The following ZNF423 variants were observed in gnomAD, a reference collection of about 807,000 sequenced individuals.
ZNF423 encodes the protein zinc finger protein 423, also known as Ebf-associated zinc finger protein.
Under a neutral mutation model 95.8 loss-of-function variants are expected in ZNF423, and 12 were observed. That is an observed-to-expected ratio of 0.13 (90% CI 0.08 to 0.20). The LOEUF (loss-of-function observed/expected upper bound fraction) is 0.20. Ranked by LOEUF, ZNF423 falls within the 10% of genes least tolerant of loss-of-function variation. ZNF423 has a pLI of 1.00. For missense variants in ZNF423, 1,316 were observed against 1,737.1 expected (o/e 0.76, Z 4.31); for synonymous variants, 749 against 711.9 (o/e 1.05, Z -0.83).
intron 1 of ZNF423, among the ~76,000 whole-genome samples, chr16:49,844,512 G>A (rs908093495): frequency 2.6e-5 from 4 of 152,158 alleles, no homozygotes; most frequent in African/African-American, 9.7e-5. Flanking sequence ...AGAGGCTGGG[G>A]CAGCGGGAGG....
Position 49,523,666 on chromosome 16 carries a change from G to A in ZNF423, c.3807C>T (p.Cys1269=). The A allele has an allele frequency of 1.2e-6, 2 of 1,614,224 alleles. No individual in the cohort carries two copies. Among genetic ancestry groups the A allele is most frequent in the Non-Finnish European group, 1.7e-6 (2 of 1,180,048 alleles). ...AGAAGAACTTCTGAGGGCACTGTGAGCAGTCGTAGATCTTGTCCTCCTGCC... is the reference window on the plus strand; with the variant it reads ...AGAAGAACTTCTGAGGGCACTGTGAACAGTCGTAGATCTTGTCCTCCTGCC... ...VHGQEDKIYD[C]SQCPQKFFFQ... Residue 1269 remains cysteine, a synonymous_variant, in exon 7 of 8, where the codon TGC becomes TGT. Transcript: ENST00000563137.
chr16:49,734,386 G>A (rs1256958111), intron 2 of ZNF423, among the ~76,000 whole-genome samples: 2 of 152,230 alleles, frequency 1.3e-5, no homozygotes, highest in Admixed American at 1.3e-4. Context: ...CATCACAAGC[G>A]CTGGCTCATT....
chr16:49,740,216 G>A (rs574771964), intron 2 of ZNF423, among the ~76,000 whole-genome samples: 10 of 152,184 alleles, frequency 6.6e-5, no homozygotes, highest in South Asian at 2.1e-4. Context: ...CAGCCTGCAC[G>A]TTTCCTAAAA....
intron 2 of ZNF423, among the ~76,000 whole-genome samples, chr16:49,734,287 G>A (rs1240515315): frequency 6.6e-6 from 1 of 152,194 alleles, no homozygotes; most frequent in African/African-American, 2.4e-5. Context: ...CCCCTCAACT[G>A]GTCCCTGTCC....
At chr16:49,493,834 A>G (rs570151406) in intron 7 of ZNF423, among the ~76,000 whole-genome samples, 14 of 152,362 alleles carry the variant, frequency 9.2e-5, no homozygotes, top group Admixed American at 9.1e-4. Flanking sequence ...GTGGCGATGC[A>G]GGCACAGGTC....
intron 2 of ZNF423, among the ~76,000 whole-genome samples, chr16:49,755,367 G>T (rs940105004): frequency 6.6e-6 from 1 of 152,128 alleles, no homozygotes; most frequent in African/African-American, 2.4e-5. Context: ...TCTGCTTGCC[G>T]CTTCCTGCTT....
intron 4 of ZNF423, among the ~76,000 whole-genome samples, chr16:49,628,884 G>A (rs1223902809): frequency 6.6e-6 from 1 of 152,208 alleles, no homozygotes; most frequent in Non-Finnish European, 1.5e-5. Context: ...AACACCCCAG[G>A]GACAGAGGTG....
In ZNF423 at chr16:49,730,770, C is replaced by T; in HGVS notation, c.301+1G>A. ...AGAGTCCTGGGGCTGTTTTGCATTA[C>T]CTCCAGGACAGCGGTGGGCCCGGTG... On this transcript the variant is annotated splice_donor_variant, in intron 3 of 7. Transcript: ENST00000563137. LOFTEE classifies it high-confidence loss of function. The T allele has an allele frequency of 6.2e-7, 1 of 1,614,236 alleles. No homozygotes were observed. Among genetic ancestry groups the T allele is most frequent in the Non-Finnish European group, 8.5e-7 (1 of 1,180,042 alleles).
intron 2 of ZNF423, among the ~76,000 whole-genome samples, chr16:49,763,917 G>A (rs904602274): frequency 1.3e-5 from 2 of 152,108 alleles, no homozygotes; most frequent in Non-Finnish European, 2.9e-5. Context: ...CCATCACCAT[G>A]TCTGGCAACC....
chr16:49,632,486 C>G (rs1035313114), intron 4 of ZNF423, among the ~76,000 whole-genome samples: 1 of 152,086 alleles, frequency 6.6e-6, no homozygotes, highest in African/African-American at 2.4e-5. Context: ...CTGCAATGGC[C>G]CATCTCCCCA....
intron 3 of ZNF423, among the ~76,000 whole-genome samples, chr16:49,657,093 C>T (rs1424439494): frequency 6.6e-6 from 1 of 152,220 alleles, no homozygotes; most frequent in Non-Finnish European, 1.5e-5. Context: ...TCCCGTGGAG[C>T]CCAGCCTGAC....
In ZNF423 at chr16:49,637,721, G is replaced by C. The variant is rs1202719366; in HGVS notation, c.1455C>G (p.Ile485Met). 6.2e-7 allele frequency: 1 copy of C among 1,614,050 alleles called. No individual in the cohort carries two copies. Among genetic ancestry groups the C allele is most frequent in the East Asian group, 2.2e-5 (1 of 44,900 alleles). The change falls in exon 4 of 8, where the codon ATC (isoleucine) becomes ATG (methionine). Residue 485 changes from isoleucine (I) to methionine (M), a missense_variant. Around this residue, in one of 6 missense-constraint regions of ZNF423, gnomAD observed 399 missense variants for 478.5 expected, o/e 0.83. Transcript: ENST00000563137. The surrounding 1 kb of genome is among the most constrained non-coding windows in gnomAD (Gnocchi z 5.6). ...HAYPVMQFGN[I>M]SAFHCNYCPE... The stretch of plus-strand genomic sequence containing the variant: ...GGCAGTAGTTGCAGTGGAAGGCAGA[G>C]ATGTTGCCAAACTGCATCACAGGGT...
chr16:49,760,819 C>A (rs2033816366), intron 2 of ZNF423, among the ~76,000 whole-genome samples: 1 of 151,818 alleles, frequency 6.6e-6, no homozygotes, highest in Non-Finnish European at 1.5e-5. Context: ...CCCCTCCACC[C>A]CACTGACTTC....
At position 49,789,503 on chromosome 16, in the gene ZNF423, G is replaced by A. The variant is rs2034375573; in HGVS notation, c.84C>T (p.Ser28=). Residue 28 remains serine (S), a synonymous_variant, in exon 2 of 8, where the codon TCC becomes TCT. Coordinates refer to ENST00000563137, the MANE Select transcript of ZNF423 (RefSeq NM_001379286.1). The part of the protein sequence containing the change: ...EASDFSLAWD[S]SVTAAGGLEG... ...GGCATTTACCTGCTGCTGTCACGGAGGAATCCCAGGCCAGCGAGAAGTCTG... is the reference window on the plus strand; with the variant it reads ...GGCATTTACCTGCTGCTGTCACGGAAGAATCCCAGGCCAGCGAGAAGTCTG... 1 of 1,612,234 alleles carries A rather than the reference G, an allele frequency of 6.2e-7. No homozygotes were observed. The highest frequency in any genetic ancestry group is 1.1e-5 in the South Asian group (1 of 90,832).
chr16:49,797,899 G>A (rs1390013510), intron 1 of ZNF423, among the ~76,000 whole-genome samples: 1 of 149,454 alleles, frequency 6.7e-6, no homozygotes, highest in Admixed American at 6.7e-5. Context: ...AGGAGGCTGG[G>A]TCTAGTATTT....
At position 49,637,123 on chromosome 16, in the gene ZNF423, G is replaced by A; in HGVS notation, c.2053C>T (p.Leu685Phe). 1 of 1,613,570 alleles carries A rather than the reference G, an allele frequency of 6.2e-7. No homozygotes were observed. The highest frequency in any genetic ancestry group is 8.5e-7 in the Non-Finnish European group (1 of 1,179,970). ...TAATGCACTGTCAGGTGCTGCAGGA[G>A]GGACTCCTGGGAGTCAAAGTCCTCT... ...CKEDFDSQES[L>F]LQHLTVHYMT... The change falls in exon 4 of 8, where the codon CTC becomes TTC. Residue 685 changes from leucine (L) to phenylalanine (F), a missense_variant. Coordinates refer to ENST00000563137, the MANE Select transcript of ZNF423 (RefSeq NM_001379286.1). This position sits in a 1 kb window ranked among gnomAD's most constrained non-coding sequence, Gnocchi z 5.6.
At chr16:49,840,075 G>T (rs2035167011) in intron 1 of ZNF423, among the ~76,000 whole-genome samples, 1 of 152,160 alleles carries the variant, frequency 6.6e-6, no homozygotes. Context: ...CATGTGCGAG[G>T]AATGAATGAA....
intron 2 of ZNF423, among the ~76,000 whole-genome samples, chr16:49,749,324 G>A (rs1401997213): frequency 6.6e-6 from 1 of 152,184 alleles, no homozygotes; most frequent in Non-Finnish European, 1.5e-5. Context: ...GATGCAGGGC[G>A]TGCATTCGGC....
At chr16:49,746,127 A>T (rs1438762174) in intron 2 of ZNF423, among the ~76,000 whole-genome samples, 3 of 151,956 alleles carry the variant, frequency 2.0e-5, no homozygotes, top group African/African-American at 7.3e-5. Flanking sequence ...AACATCCTAC[A>T]TCAACTCTGT....
Sources: gnomAD v4.1 joint callset for allele counts (sites outside exome capture counted in the v4.1 genomes callset) on GRCh38, gnomAD v4.1.1 for gene constraint, gnomAD v4.1.1 regional missense constraint, Gnocchi (gnomAD v3.1) non-coding constraint, MANE v1.5 for transcripts, NCBI Gene and HGNC (gene_info 2026-07-23, HGNC 2026-07-21) for gene names.